PCP4: variants seen among roughly 807,000 people sequenced by gnomAD.
PCP4 encodes the protein Purkinje cell protein 4.
In PCP4, 8 loss-of-function variants were observed where a neutral mutation model predicts 10.0. That is an observed-to-expected ratio of 0.80 (90% CI 0.47 to 1.45). PCP4 has a LOEUF of 1.45. Among genes scored for constraint, PCP4 ranks in the 40% most tolerant of loss-of-function variants. The pLI, the probability that PCP4 is intolerant of heterozygous loss-of-function variation, is 0.00. For synonymous variants in PCP4, 21 were observed against 23.0 expected, an observed-to-expected ratio of 0.91 and a Z score of 0.24; for missense variants, 54 against 74.4, an observed-to-expected ratio of 0.73 and a Z score of 1.01.
At chr21:39,926,449 C>T (rs190199396) in intron 2 of PCP4, among the ~76,000 whole-genome samples, 4 of 151,752 alleles carry the variant, frequency 2.6e-5, no homozygotes, top group Non-Finnish European at 5.9e-5. Context: ...ACTTCAGATT[C>T]CAGCAACATT....
chr21:39,897,606 T>C lies in PCP4; in HGVS notation c.10-870T>C, dbSNP rs74578577. 7.9e-3 allele frequency among the ~76,000 whole-genome samples: 1,204 copies of C among 152,204 alleles called. 11 individuals are homozygous for C. The highest frequency in any genetic ancestry group is 0.011 in the Non-Finnish European group (721 of 68,006). The stretch of plus-strand genomic sequence containing the variant: ...CACACCCAGAGAATCTTGCCCAAAG[T>C]GTTAAGTCTAACCTTAAAAGACTTC... On this transcript the variant is annotated intron_variant, in intron 1 of 2. Transcript: ENST00000328619.
At chr21:39,884,368 G>A (rs1484885577) in intron 1 of PCP4, among the ~76,000 whole-genome samples, 4 of 151,622 alleles carry the variant, frequency 2.6e-5, no homozygotes, top group Non-Finnish European at 4.4e-5. Flanking sequence ...TAGTAGAGAC[G>A]GGGTTTCACC....
At chr21:39,871,053 G>A (rs921738861) in intron 1 of PCP4, among the ~76,000 whole-genome samples, 3 of 152,276 alleles carry the variant, frequency 2.0e-5, no homozygotes, top group Admixed American at 6.5e-5. Context: ...TAATGTATAC[G>A]TTAAAACGTA....
chr21:39,916,763 C>T (rs1212571263), intron 2 of PCP4, among the ~76,000 whole-genome samples: 1 of 152,140 alleles, frequency 6.6e-6, no homozygotes, highest in East Asian at 1.9e-4. Flanking sequence ...TACTATGCAG[C>T]TCTAAAAAAG....
rs570147284 is a variant in PCP4 at position 39,902,158 on chromosome 21, C to A, written c.61+3631C>A. On this transcript the variant is annotated intron_variant, in intron 2 of 2. Coordinates refer to ENST00000328619, the MANE Select transcript of PCP4 (RefSeq NM_006198.3). ...AAGCTGTCTACATGTCTTGAAGGAG[C>A]AAGGACCCTTGAGTATTGAAATATG... Among the ~76,000 whole-genome samples the A allele has an allele frequency of 3.3e-5, 5 of 152,000 alleles. No homozygotes were observed. In the South Asian group the frequency reaches 1.0e-3, roughly 32 times the overall value.
intron 1 of PCP4, among the ~76,000 whole-genome samples, chr21:39,879,966 G>A (rs73371276): frequency 0.035 from 5,284 of 152,166 alleles, 305 homozygotes; most frequent in African/African-American, 0.12. Flanking sequence ...GGACCGCATG[G>A]GTCACTCTCT....
intron 2 of PCP4, among the ~76,000 whole-genome samples, chr21:39,903,283 C>A (rs2087489579): frequency 6.6e-6 from 1 of 152,168 alleles, no homozygotes; most frequent in South Asian, 2.1e-4. Flanking sequence ...ACTTAGCGAG[C>A]TGTGATGCAT....
chr21:39,915,032 G>A (rs1343165854), intron 2 of PCP4, among the ~76,000 whole-genome samples: 1 of 152,126 alleles, frequency 6.6e-6, no homozygotes, highest in Non-Finnish European at 1.5e-5. Flanking sequence ...GGAGGTCACC[G>A]TCCCTGGAGC....
intron 1 of PCP4, among the ~76,000 whole-genome samples, chr21:39,885,826 G>C (rs1436798276): frequency 2.6e-5 from 4 of 152,222 alleles, no homozygotes; most frequent in African/African-American, 7.2e-5. Context: ...TTCCTATGTT[G>C]CTGTCTGAAT....
chr21:39,890,265 T>G (rs1031865358), intron 1 of PCP4, among the ~76,000 whole-genome samples: 3 of 152,232 alleles, frequency 2.0e-5, no homozygotes, highest in Non-Finnish European at 4.4e-5. Flanking sequence ...ACATAGTGAC[T>G]AGAGTTGGAT....
intron 2 of PCP4, among the ~76,000 whole-genome samples, chr21:39,914,249 C>T (rs948991355): frequency 1.3e-5 from 2 of 152,132 alleles, no homozygotes; most frequent in African/African-American, 4.8e-5. Context: ...CCCTGGAACA[C>T]ACTCCATTTG....
chr21:39,872,804 G>A (rs926133039), intron 1 of PCP4, among the ~76,000 whole-genome samples: 1 of 152,158 alleles, frequency 6.6e-6, no homozygotes, highest in African/African-American at 2.4e-5. Context: ...TAAATGTTGA[G>A]GCTTGTGGTT....
rs368218857 is a variant in PCP4, at chr21:39,918,531, C to T, written c.62-10453C>T. Among the ~76,000 whole-genome samples, 164 of 152,256 alleles carry T rather than the reference C, an allele frequency of 1.1e-3. 4 individuals carry two copies. In the South Asian group the frequency reaches 0.024, roughly 23 times the overall value. On this transcript the variant is annotated intron_variant, in intron 2 of 2. Transcript: ENST00000328619. ...TATTTTAGGACAAAAGAGAATTGTT[C>T]GCTCTTGGAAAAAGCTTTAAGTACC...
intron 2 of PCP4, among the ~76,000 whole-genome samples, chr21:39,901,424 G>A (rs1009338951): frequency 1.3e-5 from 2 of 152,210 alleles, no homozygotes; most frequent in Non-Finnish European, 2.9e-5. Flanking sequence ...TGTGTTCGAT[G>A]TCTCTGCCCC....
At chr21:39,909,240 G>A (rs1411962337) in intron 2 of PCP4, among the ~76,000 whole-genome samples, 1 of 152,130 alleles carries the variant, frequency 6.6e-6, no homozygotes, top group African/African-American at 2.4e-5. Context: ...GGCTATTATG[G>A]CATATTGATC....
At chr21:39,918,191 T>C (rs1326192627) in intron 2 of PCP4, among the ~76,000 whole-genome samples, 1 of 152,248 alleles carries the variant, frequency 6.6e-6, no homozygotes, top group Non-Finnish European at 1.5e-5. Context: ...AATTAGTATT[T>C]CTTCAATGAT....
intron 1 of PCP4, among the ~76,000 whole-genome samples, chr21:39,888,456 T>A (rs1290648573): frequency 1.3e-5 from 2 of 152,184 alleles, no homozygotes; most frequent in Non-Finnish European, 2.9e-5. Flanking sequence ...GGGTCCAGGC[T>A]CCTTAGATGT....
intron 2 of PCP4, among the ~76,000 whole-genome samples, chr21:39,911,129 A>G (rs935801777): frequency 6.6e-6 from 1 of 152,110 alleles, no homozygotes; most frequent in African/African-American, 2.4e-5. Context: ...CCACAGGAGA[A>G]ATACGATGTA....
At chr21:39,887,193 T>TA (rs1451083015) in intron 1 of PCP4, among the ~76,000 whole-genome samples, 1 of 152,134 alleles carries the variant, frequency 6.6e-6, no homozygotes, top group Admixed American at 6.6e-5. Context: ...AAGGTCAGGA[T>TA]AAAAAAATGA....
Sources: gnomAD v4.1 joint callset for allele counts (sites outside exome capture counted in the v4.1 genomes callset) on GRCh38, gnomAD v4.1.1 for gene constraint, MANE v1.5 for transcripts, NCBI Gene and HGNC (gene_info 2026-07-23, HGNC 2026-07-21) for gene names.